LRRC28: variants seen among roughly 807,000 people sequenced by gnomAD.
The protein encoded by LRRC28 is leucine-rich repeat-containing protein 28.
LRRC28 carries 39 observed loss-of-function variants against 45.7 expected under a neutral mutation model. The observed-to-expected ratio is 0.85, with a 90% CI of 0.66 to 1.12. The LOEUF (loss-of-function observed/expected upper bound fraction) is 1.12, where lower values mean the gene tolerates loss of function less well. LRRC28 is among the 50% of genes most tolerant of loss of function. The pLI, the probability that LRRC28 is intolerant of heterozygous loss-of-function variation, is 0.00. For missense variants in LRRC28, 435 were observed against 438.5 expected, an observed-to-expected ratio of 0.99 and a Z score of 0.07; for synonymous variants, 206 against 178.8, an observed-to-expected ratio of 1.15 and a Z score of -1.22.
chr15:99,297,424 ATTTT>A (rs571903360), intron 5 of LRRC28: 6 of 120,334 alleles, frequency 5.0e-5, no homozygotes, highest in Admixed American at 8.5e-5. Context: ...ATTTTCTTTA[ATTTT>A]TTTTTTTTTT....
intron 9 of LRRC28, among the ~76,000 whole-genome samples, chr15:99,373,868 CTT>C (rs1957551946): frequency 6.6e-6 from 1 of 152,142 alleles, no homozygotes; most frequent in Admixed American, 6.5e-5. Context: ...TCTAAGAAAT[CTT>C]TACCTACCCC....
chr15:99,324,415 T>C (rs1041539467), intron 5 of LRRC28, among the ~76,000 whole-genome samples: 1 of 152,144 alleles, frequency 6.6e-6, no homozygotes, highest in African/African-American at 2.4e-5. Context: ...GCTCTGGAGC[T>C]CAACTTAGAG....
chr15:99,299,077 G>A (rs1175815565), intron 5 of LRRC28, among the ~76,000 whole-genome samples: 1 of 152,166 alleles, frequency 6.6e-6, no homozygotes, highest in African/African-American at 2.4e-5. Context: ...CTACCATACC[G>A]TTTGCTATCT....
At chr15:99,336,947 T>C (rs922154864) in intron 6 of LRRC28, among the ~76,000 whole-genome samples, 13 of 152,254 alleles carry the variant, frequency 8.5e-5, no homozygotes, top group African/African-American at 3.1e-4. Context: ...TGCCAGAGTC[T>C]GATCCACAGC....
At chr15:99,343,861 T>C (rs1224781809) in intron 6 of LRRC28, among the ~76,000 whole-genome samples, 1 of 152,184 alleles carries the variant, frequency 6.6e-6, no homozygotes, top group East Asian at 1.9e-4. Context: ...TACACGTTCG[T>C]ATTTCAGCCT....
chr15:99,265,897 A>T (rs944016723), intron 2 of LRRC28, among the ~76,000 whole-genome samples: 3 of 152,198 alleles, frequency 2.0e-5, no homozygotes, highest in Non-Finnish European at 4.4e-5. Context: ...TGCTTTTCTT[A>T]ATGGTAACAG....
intron 9 of LRRC28, among the ~76,000 whole-genome samples, chr15:99,381,060 T>G (rs889496116): frequency 6.6e-6 from 1 of 152,226 alleles, no homozygotes; most frequent in Non-Finnish European, 1.5e-5. Flanking sequence ...CTGTATTTCC[T>G]GAATTTGAAT....
intron 5 of LRRC28, among the ~76,000 whole-genome samples, chr15:99,301,244 A>T (rs1954958189): frequency 6.6e-6 from 1 of 152,218 alleles, no homozygotes; most frequent in Non-Finnish European, 1.5e-5. Flanking sequence ...TTAAATATAG[A>T]CTATAGAATA....
intron 9 of LRRC28, among the ~76,000 whole-genome samples, chr15:99,380,295 C>T (rs1024137424): frequency 1.3e-5 from 2 of 152,178 alleles, no homozygotes; most frequent in African/African-American, 2.4e-5. Flanking sequence ...TATGTAATGG[C>T]CTTCTTTGTC....
chr15:99,279,823 G>A (rs183941690), intron 3 of LRRC28, among the ~76,000 whole-genome samples: 138 of 152,240 alleles, frequency 9.1e-4, no homozygotes, highest in African/African-American at 3.2e-3. Flanking sequence ...TGTTTTTATG[G>A]AAGAGAATTT....
intron 3 of LRRC28, among the ~76,000 whole-genome samples, chr15:99,283,487 G>A (rs965170440): frequency 4.6e-4 from 70 of 151,222 alleles, no homozygotes; most frequent in Middle Eastern, 3.4e-3. Context: ...GTGGTGGTGC[G>A]CACCTGTAAT....
chr15:99,355,712 G>C (rs1001816881), intron 7 of LRRC28: 3 of 144,014 alleles, frequency 2.1e-5, no homozygotes, highest in African/African-American at 2.6e-5. Context: ...TCTACAGGAT[G>C]TTTTTTCCAA....
chr15:99,258,837 A>G, intron 2 of LRRC28: 1 of 702,310 alleles, frequency 1.4e-6, no homozygotes, highest in Non-Finnish European at 2.7e-6. Context: ...AAGAGCGATT[A>G]CATTAAGCTC....
At chr15:99,364,109 C>T (rs758852524) in intron 9 of LRRC28, among the ~76,000 whole-genome samples, 3 of 152,128 alleles carry the variant, frequency 2.0e-5, no homozygotes, top group African/African-American at 4.8e-5. Flanking sequence ...TTCCCTCCTT[C>T]GTTTCTTAGT....
chr15:99,328,103 T>A (rs1457406325), intron 5 of LRRC28, among the ~76,000 whole-genome samples: 1 of 152,254 alleles, frequency 6.6e-6, no homozygotes, highest in Non-Finnish European at 1.5e-5. Context: ...CTTTTAAATG[T>A]GAGACTTAAT....
intron 2 of LRRC28, among the ~76,000 whole-genome samples, chr15:99,274,553 A>T (rs2081566313): frequency 6.6e-6 from 1 of 152,250 alleles, no homozygotes; most frequent in Non-Finnish European, 1.5e-5. Context: ...ATAACAGCTT[A>T]TGCTGCACAC....
chr15:99,379,074 C>T (rs1957735589), intron 9 of LRRC28, among the ~76,000 whole-genome samples: 1 of 151,956 alleles, frequency 6.6e-6, no homozygotes, highest in Admixed American at 6.6e-5. Context: ...AGGGAGGATT[C>T]CCTTTTTCTG....
intron 5 of LRRC28, among the ~76,000 whole-genome samples, chr15:99,330,076 T>C (rs2152288933): frequency 6.6e-6 from 1 of 152,310 alleles, no homozygotes; most frequent in South Asian, 2.1e-4. Context: ...ACATGTCTTT[T>C]TTAAAAAAGG....
chr15:99,331,319 TAA>T (rs1956151309), intron 5 of LRRC28, among the ~76,000 whole-genome samples: 1 of 152,210 alleles, frequency 6.6e-6, no homozygotes, highest in Non-Finnish European at 1.5e-5. Context: ...TCTATAAAAA[TAA>T]ATTTTTAGCA....
Sources: gnomAD v4.1 joint callset for allele counts (sites outside exome capture counted in the v4.1 genomes callset) on GRCh38, gnomAD v4.1.1 for gene constraint, MANE v1.5 for transcripts, NCBI Gene and HGNC (gene_info 2026-07-23, HGNC 2026-07-21) for gene names.